The following MTCH2 variants were observed in gnomAD, a reference collection of about 807,000 sequenced individuals.
MTCH2 encodes mitochondrial carrier homolog 2.
Under a neutral mutation model 50.6 loss-of-function variants are expected in MTCH2, and 25 were observed. The ratio of observed to expected loss-of-function variants is 0.49; its 90% confidence interval spans 0.36 to 0.69. MTCH2 has a LOEUF of 0.69. MTCH2 is among the 30% of genes least tolerant of loss of function. The pLI is 0.00. For missense variants in MTCH2, 273 were observed against 384.4 expected (o/e 0.71, Z 2.42); for synonymous variants, 106 against 132.0 (o/e 0.80, Z 1.35).
At chr11:47,641,906 A>T (rs927636856) in intron 1 of MTCH2, among the ~76,000 whole-genome samples, 2 of 149,724 alleles carry the variant, frequency 1.3e-5, no homozygotes, top group African/African-American at 4.9e-5. Flanking sequence ...GCATAAAAAG[A>T]AAAAAAAAAG....
At chr11:47,631,791 C>T (rs954177479) in intron 5 of MTCH2, 80 bp from the exon 6 acceptor site, 3 of 1,472,288 alleles carry the variant, frequency 2.0e-6, no homozygotes, top group East Asian at 4.5e-5. Flanking sequence ...GGGTGGATAT[C>T]GTGGTATAGG....
At chr11:47,606,984 C>T in the MTCH2 span, among the ~76,000 whole-genome samples, 32,977 of 152,100 alleles carry the variant, frequency 0.22, 4,261 homozygotes, top group African/African-American at 0.33. Flanking sequence ...CCTGGGGACA[C>T]GACTTCCACG....
Position 47,631,103 on chromosome 11 carries a change from A to G in MTCH2, c.428-16T>C. On this transcript the variant is annotated splice_polypyrimidine_tract_variant and intron_variant, in intron 6 of 12. Transcript: ENST00000302503. ...AGAGTGATCACTGTGGAATATAGAG[A>G]AAAGATGTTTACAACTATGTTAAGG... 6.2e-7 allele frequency: 1 copy of G among 1,609,310 alleles called. No individual in the cohort carries two copies. The highest frequency in any genetic ancestry group is 8.5e-7 in the Non-Finnish European group (1 of 1,176,080).
chr11:47,604,779 AAAAC>A, the MTCH2 span, among the ~76,000 whole-genome samples: 10 of 152,240 alleles, frequency 6.6e-5, no homozygotes, highest in Non-Finnish European at 1.5e-4. Flanking sequence ...AGTGAAATAA[AAAAC>A]AAGGTGCACA....
intron 3 of MTCH2, among the ~76,000 whole-genome samples, chr11:47,636,860 T>C (rs2097309092): frequency 6.6e-6 from 1 of 151,952 alleles, no homozygotes. Context: ...AAGACCAGAC[T>C]GGGCAACATA....
chr11:47,642,501 G>A lies in MTCH2; in HGVS notation c.-36C>T, dbSNP rs771660197. The A allele has an allele frequency of 1.3e-6, 2 of 1,547,126 alleles. No homozygotes were observed. The highest frequency in any genetic ancestry group is 2.0e-5 in the Admixed American group (1 of 50,762). On this transcript the variant is annotated 5_prime_UTR_variant, in exon 1 of 13. Transcript: ENST00000302503. ...GCGGGCGGACGGACAGACAGACGGA[G>A]CCACCAAGCGACCCGGTGAGCCGGT...
downstream of MTCH2, among the ~76,000 whole-genome samples, chr11:47,615,870 C>T (rs998694994): frequency 4.6e-5 from 7 of 151,938 alleles, no homozygotes; most frequent in African/African-American, 1.2e-4. Context: ...ATGATCCACC[C>T]GCCTCGGCCT....
At chr11:47,618,960 G>T in intron 12 of MTCH2, 41 bp from the exon 13 acceptor site, 2 of 1,523,620 alleles carry the variant, frequency 1.3e-6, no homozygotes, top group Non-Finnish European at 1.8e-6. Context: ...AATATCTAGC[G>T]AGATGAGATC....
At chr11:47,635,438 A>G in intron 4 of MTCH2, 107 bp downstream of exon 4, 1 of 1,252,998 alleles carries the variant, frequency 8.0e-7, no homozygotes, top group Non-Finnish European at 1.2e-6. Context: ...ACACTCACTG[A>G]GATGAATAGG....
intron 11 of MTCH2, among the ~76,000 whole-genome samples, chr11:47,623,601 C>T (rs1157936673): frequency 6.6e-6 from 1 of 152,118 alleles, no homozygotes; most frequent in African/African-American, 2.4e-5. Context: ...TATCAGAAAA[C>T]ATCACAGCTT....
At chr11:47,641,380 T>C (rs7120548) in intron 1 of MTCH2, among the ~76,000 whole-genome samples, 34,590 of 152,114 alleles carry the variant, frequency 0.23, 5,017 homozygotes, top group South Asian at 0.45. Context: ...AAGAAATAAT[T>C]TGGATTCCCA....
At chr11:47,633,526 ATT>A (rs869251946) in intron 5 of MTCH2, among the ~76,000 whole-genome samples, 111 of 35,024 alleles carry the variant, frequency 3.2e-3, no homozygotes, top group South Asian at 7.0e-3. Context: ...ATATATATAT[ATT>A]TTTTTTTTTT....
At position 47,623,110 on chromosome 11, in the gene MTCH2, C is replaced by T. The variant is rs373578204; in HGVS notation, c.750-334G>A. Reference sequence around the variant, plus strand: ...AGGTGGCCGGGCACGGTGGCTCACACCTGTAATTCCAGCACTTTGGGAGGC... The same window carrying T: ...AGGTGGCCGGGCACGGTGGCTCACATCTGTAATTCCAGCACTTTGGGAGGC... On this transcript the variant is annotated intron_variant, in intron 11 of 12. Coordinates refer to ENST00000302503, the MANE Select transcript of MTCH2 (RefSeq NM_014342.4). Among the ~76,000 whole-genome samples the T allele has an allele frequency of 7.9e-5, 12 of 151,662 alleles. No homozygotes were observed. The East Asian group carries it at 2.1e-3, about 27-fold the overall frequency.
chr11:47,629,035 G>C lies in MTCH2; in HGVS notation c.551C>G (p.Pro184Arg). The change falls in exon 9 of 13, where the codon CCT becomes CGT. Residue 184 changes from proline to arginine, a missense_variant. By Grantham distance (103) the Pro-to-Arg change is moderately radical. Transcript: ENST00000302503. ...AGAAAGGATGTCACCTAGAAGGCGA[G>C]GAACAAGACCCCTACATGAAGAAAC... ...GILGFFAGLV[P>R]RLLGDILSLW... 6.2e-7 allele frequency: 1 copy of C among 1,613,378 alleles called. No individual in the cohort carries two copies. The highest frequency in any genetic ancestry group is 8.5e-7 in the Non-Finnish European group (1 of 1,179,654).
chr11:47,638,327 C>T (rs1309806520), intron 3 of MTCH2, among the ~76,000 whole-genome samples: 4 of 89,736 alleles, frequency 4.5e-5, no homozygotes, highest in Admixed American at 2.5e-4. Flanking sequence ...TTTGGGAGGC[C>T]GAGGCGGGCG....
intron 3 of MTCH2, among the ~76,000 whole-genome samples, chr11:47,637,284 C>G (rs1021427795): frequency 1.1e-4 from 17 of 152,194 alleles, no homozygotes; most frequent in African/African-American, 2.4e-5. Context: ...GCCACTGCGC[C>G]TGGCCAAGAA....
chr11:47,611,260 CAG>C, the MTCH2 span, among the ~76,000 whole-genome samples: 2 of 152,254 alleles, frequency 1.3e-5, no homozygotes, highest in Non-Finnish European at 2.9e-5. Context: ...GTGAGCCCCT[CAG>C]GGGGAGGAAA....
At chr11:47,604,431 T>C in the MTCH2 span, among the ~76,000 whole-genome samples, 1 of 152,204 alleles carries the variant, frequency 6.6e-6, no homozygotes, top group African/African-American at 2.4e-5. Flanking sequence ...AATGACACAA[T>C]TGGACAGTAT....
chr11:47,611,146 G>A, the MTCH2 span, among the ~76,000 whole-genome samples: 1 of 152,214 alleles, frequency 6.6e-6, no homozygotes, highest in Non-Finnish European at 1.5e-5. Flanking sequence ...GCGCCAAAGA[G>A]GACAGGGAGA....
Sources: gnomAD v4.1 joint callset for allele counts (sites outside exome capture counted in the v4.1 genomes callset) on GRCh38, gnomAD v4.1.1 for gene constraint, MANE v1.5 for transcripts, NCBI Gene and HGNC (gene_info 2026-07-23, HGNC 2026-07-21) for gene names.